Variants in CNBD1 observed in about 807,000 individuals in gnomAD.
CNBD1 encodes the protein cyclic nucleotide-binding domain-containing protein 1.
CNBD1 carries 71 observed loss-of-function variants against 54.4 expected under a neutral mutation model. The ratio of observed to expected loss-of-function variants is 1.30; its 90% CI spans 1.08 to 1.59. The LOEUF (loss-of-function observed/expected upper bound fraction) is 1.59. Among genes scored for constraint, CNBD1 ranks in the 40% most tolerant of loss-of-function variants. The pLI, the probability that CNBD1 is intolerant of heterozygous loss-of-function variation, is 0.00. For synonymous variants in CNBD1, 182 were observed against 170.7 expected (o/e 1.07, Z -0.51); for missense variants, 659 against 518.0 (o/e 1.27, Z -2.64).
chr8:87,362,467 G>A (rs1810541969), intron 10 of CNBD1, among the ~76,000 whole-genome samples: 1 of 152,078 alleles, frequency 6.6e-6, no homozygotes, highest in African/African-American at 2.4e-5. Flanking sequence ...TAGCAAGGGA[G>A]TTTAGAAAAG....
chr8:87,262,096 G>A (rs1586372829), intron 6 of CNBD1, among the ~76,000 whole-genome samples: 1 of 152,142 alleles, frequency 6.6e-6, no homozygotes, highest in East Asian at 1.9e-4. Context: ...TGGGGCTGCA[G>A]TGAGCCTGGA....
At chr8:87,056,634 A>G (rs954898140) in intron 4 of CNBD1, among the ~76,000 whole-genome samples, 1 of 152,126 alleles carries the variant, frequency 6.6e-6, no homozygotes, top group African/African-American at 2.4e-5. Context: ...TCTTGACCAA[A>G]AAAGTCCCTC....
At chr8:86,927,860 G>A (rs1168154500) in intron 3 of CNBD1, among the ~76,000 whole-genome samples, 4 of 152,098 alleles carry the variant, frequency 2.6e-5, no homozygotes, top group Admixed American at 6.6e-5. Context: ...AATAGGAGAC[G>A]TAAGTCCTCC....
At chr8:87,106,924 A>C (rs1210917848) in intron 4 of CNBD1, among the ~76,000 whole-genome samples, 2 of 151,732 alleles carry the variant, frequency 1.3e-5, no homozygotes, top group East Asian at 3.9e-4. Context: ...CCACCTCCCA[A>C]GTTCAAGCAG....
At chr8:87,132,764 T>C (rs1447383615) in intron 4 of CNBD1, among the ~76,000 whole-genome samples, 1 of 147,608 alleles carries the variant, frequency 6.8e-6, no homozygotes, top group Non-Finnish European at 1.5e-5. Context: ...TATATGGAAA[T>C]ATATATATCA....
chr8:87,406,137 G>A (rs544436275), intron 2 of CNBD1, among the ~76,000 whole-genome samples: 40 of 152,034 alleles, frequency 2.6e-4, no homozygotes, highest in Non-Finnish European at 4.3e-4. Flanking sequence ...AAACAAGAAG[G>A]AATTTAAAAG....
At chr8:87,358,978 T>C (rs932854925) in intron 10 of CNBD1, among the ~76,000 whole-genome samples, 11 of 152,190 alleles carry the variant, frequency 7.2e-5, no homozygotes, top group African/African-American at 2.7e-4. Context: ...TGGTGGATTT[T>C]CCTTAATTCA....
intron 2 of CNBD1, among the ~76,000 whole-genome samples, chr8:87,420,288 A>T (rs1020358557): frequency 6.6e-6 from 1 of 151,950 alleles, no homozygotes; most frequent in African/African-American, 2.4e-5. Flanking sequence ...CTTTAGGAAA[A>T]CCTGATAACA....
At chr8:86,917,968 GA>G (rs1473349228) in intron 3 of CNBD1, among the ~76,000 whole-genome samples, 1 of 152,196 alleles carries the variant, frequency 6.6e-6, no homozygotes. Flanking sequence ...GAGCTCATGA[GA>G]AAGTTTTAGT....
chr8:86,905,139 G>T lies in CNBD1; in HGVS notation c.217G>T (p.Val73Leu). ...HDTFMKQYPK[V>L]FLHQKPRLPK... ...TACATTTATGAAGCAATATCCTAAA[G>T]TATTCCTGCACCAAAAACCCAGACT... The change falls in exon 3 of 11, where the codon GTA becomes TTA. Residue 73 changes from valine to leucine, a missense_variant. Transcript: ENST00000518476. 1 of 1,612,704 alleles carries T rather than the reference G, an allele frequency of 6.2e-7. No homozygotes were observed. Among genetic ancestry groups the T allele is most frequent in the South Asian group, 1.1e-5 (1 of 90,924 alleles).
At chr8:87,261,459 GC>G (rs982224880) in intron 6 of CNBD1, among the ~76,000 whole-genome samples, 11 of 147,714 alleles carry the variant, frequency 7.4e-5, no homozygotes, top group Admixed American at 1.4e-4. Flanking sequence ...GAATCAAGCA[GC>G]CCCAGAATCA....
In CNBD1 at chr8:87,351,780, C is replaced by T. The variant is rs75840995; in HGVS notation, c.1138C>T (p.Arg380Ter). 5.1e-5 allele frequency: 76 copies of T among 1,500,364 alleles called. 1 individual carries two copies. In the East Asian group the frequency reaches 8.0e-4, roughly 16 times the overall value. 92.9% of individuals were successfully genotyped at this position (1,500,364 alleles called of 1,614,324 possible). ...AAGTATTATAGGATTTGTGAAACTA[C>T]GATCAAATAAAGTGGTAAGTTTTCA... ...YRSIIGFVKLRSNKVKRSQKL... is the reference protein window; with the variant it reads ...YRSIIGFVKL Residue 380 changes from arginine (R) to a stop codon, truncating the protein, a stop_gained, in exon 9 of 11, where the codon CGA (arginine) becomes TGA (stop). Coordinates refer to ENST00000518476, the MANE Select transcript of CNBD1 (RefSeq NM_173538.3). LOFTEE classifies it high-confidence loss of function.
chr8:87,034,966 G>A (rs1034188601), intron 4 of CNBD1, among the ~76,000 whole-genome samples: 2 of 151,726 alleles, frequency 1.3e-5, no homozygotes, highest in South Asian at 2.1e-4. Flanking sequence ...GAATTTATGC[G>A]GATTTTTTAG....
intron 2 of CNBD1, among the ~76,000 whole-genome samples, chr8:87,390,515 A>G (rs894064498): frequency 1.1e-4 from 17 of 152,312 alleles, no homozygotes; most frequent in Non-Finnish European, 1.9e-4. Flanking sequence ...GGCCATCAGA[A>G]AAATGCAAAT....
intron 4 of CNBD1, among the ~76,000 whole-genome samples, chr8:87,085,210 C>T (rs1431669855): frequency 1.3e-5 from 2 of 152,156 alleles, no homozygotes; most frequent in African/African-American, 4.8e-5. Flanking sequence ...AGGCATTCTT[C>T]TTATCTGTTA....
chr8:86,959,537 TTTC>T (rs1198070744), intron 4 of CNBD1, among the ~76,000 whole-genome samples: 2 of 152,166 alleles, frequency 1.3e-5, no homozygotes, highest in Admixed American at 1.3e-4. Context: ...TCTTGGAGGC[TTTC>T]TTCATTTCTT....
At chr8:87,239,886 G>A (rs1807658762) in intron 6 of CNBD1, among the ~76,000 whole-genome samples, 3 of 151,606 alleles carry the variant, frequency 2.0e-5, no homozygotes, top group Admixed American at 2.0e-4. Context: ...GATTATATAA[G>A]GAAAGAGATA....
chr8:87,381,669 T>C (rs1307347044), intron 10 of CNBD1, among the ~76,000 whole-genome samples: 3 of 151,974 alleles, frequency 2.0e-5, no homozygotes, highest in Non-Finnish European at 4.4e-5. Context: ...TGGAATGCTA[T>C]TCAGCCTTAA....
intron 4 of CNBD1, among the ~76,000 whole-genome samples, chr8:87,177,087 C>T (rs1473492092): frequency 6.6e-6 from 1 of 151,988 alleles, no homozygotes; most frequent in Non-Finnish European, 1.5e-5. Context: ...AGAGTTGTTA[C>T]TAAGGTTAAA....
Sources: allele counts gnomAD v4.1 joint callset (sites outside exome capture counted in the v4.1 genomes callset), GRCh38; gene constraint gnomAD v4.1.1; transcripts MANE v1.5; gene names NCBI Gene and HGNC (gene_info 2026-07-23, HGNC 2026-07-21).